ERC1: variants seen among roughly 807,000 people sequenced by gnomAD.
ERC1 encodes the protein ELKS/RAB6-interacting/CAST family member 1, also known as RAB6 interacting protein 2.
In ERC1, 56 loss-of-function variants were observed where a neutral mutation model predicts 132.0. The ratio of observed to expected loss-of-function variants is 0.42; its 90% CI spans 0.34 to 0.53. The LOEUF (loss-of-function observed/expected upper bound fraction) is 0.53. ERC1 is among the 20% of genes least tolerant of loss of function. ERC1 has a pLI of 0.03. For synonymous variants in ERC1, 478 were observed against 476.1 expected (o/e 1.00, Z -0.05); for missense variants, 1,202 against 1,349.9 (o/e 0.89, Z 1.72).
chr12:1,121,697 CTA>C (rs1947158141), intron 7 of ERC1, among the ~76,000 whole-genome samples: 2 of 67,156 alleles, frequency 3.0e-5, no homozygotes, highest in African/African-American at 1.1e-4. Context: ...ATCTCTATCT[CTA>C]TCTCTATCTG....
intron 18 of ERC1, among the ~76,000 whole-genome samples, chr12:1,487,809 CGA>C (rs1555132933): frequency 2.1e-5 from 3 of 145,630 alleles, no homozygotes; most frequent in African/African-American, 2.6e-5. Flanking sequence ...AGAAAAGAAA[CGA>C]GAGAGAGAGA....
intron 18 of ERC1, among the ~76,000 whole-genome samples, chr12:1,465,506 A>G (rs1458564477): frequency 6.6e-6 from 1 of 152,234 alleles, no homozygotes; most frequent in African/African-American, 2.4e-5. Context: ...AGCTCTGTAC[A>G]ACAGTAATCT....
intron 15 of ERC1, among the ~76,000 whole-genome samples, chr12:1,335,740 G>T (rs866221405): frequency 5.9e-5 from 9 of 152,158 alleles, no homozygotes; most frequent in Middle Eastern, 3.2e-3. Context: ...CGACCTCGTA[G>T]AATTAGTTGG....
chr12:1,004,219 T>C (rs972721696), intron 1 of ERC1, among the ~76,000 whole-genome samples: 2 of 152,134 alleles, frequency 1.3e-5, no homozygotes, highest in African/African-American at 4.8e-5. Context: ...ATGTCCTTTA[T>C]TAGATTAAGA....
At chr12:1,230,061 C>G (rs1279118187) in intron 12 of ERC1, among the ~76,000 whole-genome samples, 1 of 137,608 alleles carries the variant, frequency 7.3e-6, no homozygotes, top group Non-Finnish European at 1.5e-5. Flanking sequence ...GGCTAGAGTG[C>G]AATGGCACAA....
At chr12:1,007,540 C>CTCTCTCTCTCTCTCTG (rs1555194875) in intron 1 of ERC1, among the ~76,000 whole-genome samples, 2 of 122,786 alleles carry the variant, frequency 1.6e-5, no homozygotes, top group South Asian at 2.6e-4. Context: ...CTCTCTCTCT[C>CTCTCTCTCTCTCTCTG]TGTGTGTGTG....
At chr12:1,419,280 C>G (rs1230930560) in intron 17 of ERC1, among the ~76,000 whole-genome samples, 1 of 151,986 alleles carries the variant, frequency 6.6e-6, no homozygotes, top group Non-Finnish European at 1.5e-5. Flanking sequence ...TAACTATTCT[C>G]CTAAGTGTTG....
intron 15 of ERC1, among the ~76,000 whole-genome samples, chr12:1,352,532 TTTATA>T (rs569058317): frequency 1.3e-5 from 2 of 152,252 alleles, no homozygotes; most frequent in African/African-American, 2.4e-5. Context: ...AGGGTGAATT[TTTATA>T]TTATAATAGC....
intron 13 of ERC1, among the ~76,000 whole-genome samples, chr12:1,241,844 CTTCTTTT>C (rs758923890): frequency 5.2e-4 from 51 of 98,272 alleles, no homozygotes; most frequent in South Asian, 1.4e-3. Flanking sequence ...ATTTCTTCTT[CTTCTTTT>C]TTTTTTTTTT....
At chr12:1,346,738 C>T (rs1020636010) in intron 15 of ERC1, among the ~76,000 whole-genome samples, 3 of 151,140 alleles carry the variant, frequency 2.0e-5, no homozygotes, top group African/African-American at 7.3e-5. Flanking sequence ...GTCAGGAGAT[C>T]GAGACCATCC....
chr12:1,426,537 A>G (rs1239662869), intron 17 of ERC1, among the ~76,000 whole-genome samples: 3 of 152,222 alleles, frequency 2.0e-5, no homozygotes, highest in Non-Finnish European at 2.9e-5. Flanking sequence ...AATATTCTCT[A>G]GAACTCAATT....
intron 2 of ERC1, among the ~76,000 whole-genome samples, chr12:1,064,293 A>T (rs1228054346): frequency 6.6e-6 from 1 of 151,644 alleles, no homozygotes; most frequent in Non-Finnish European, 1.5e-5. Context: ...AGGCACAATC[A>T]TGTCTCACGA....
intron 15 of ERC1, among the ~76,000 whole-genome samples, chr12:1,358,806 G>T (rs542139014): frequency 6.6e-6 from 1 of 152,196 alleles, no homozygotes; most frequent in Non-Finnish European, 1.5e-5. Context: ...GATGAAGTTG[G>T]AGGAGGGGAA....
At chr12:1,286,570 T>C (rs554073487) in intron 14 of ERC1, among the ~76,000 whole-genome samples, 67 of 152,158 alleles carry the variant, frequency 4.4e-4, no homozygotes, top group Non-Finnish European at 8.1e-4. Context: ...CTGTACAGCG[T>C]TGTAGTAGTC....
chr12:1,137,431 A>G lies in ERC1; in HGVS notation c.1570-4189A>G, dbSNP rs1225415807. Among the ~76,000 whole-genome samples, 5 of 152,010 alleles carry G rather than the reference A, an allele frequency of 3.3e-5. No homozygotes were observed. In the East Asian group the frequency reaches 7.8e-4, roughly 24 times the overall value. On this transcript the variant is annotated intron_variant, in intron 7 of 18. Coordinates refer to ENST00000360905, the MANE Select transcript of ERC1 (RefSeq NM_178040.4). Reference sequence around the variant, plus strand: ...CTACTTACCAGTTCTTTAATATAATATGAGGTAAACTATTTAACTACGCTG... The same window carrying G: ...CTACTTACCAGTTCTTTAATATAATGTGAGGTAAACTATTTAACTACGCTG...
At chr12:1,041,605 T>G (rs1232677244) in intron 2 of ERC1, among the ~76,000 whole-genome samples, 1 of 152,264 alleles carries the variant, frequency 6.6e-6, no homozygotes, top group African/African-American at 2.4e-5. Flanking sequence ...GAGTGCTCAC[T>G]AGGTCACTCT....
At chr12:1,002,158 G>A (rs1268004176) in intron 1 of ERC1, among the ~76,000 whole-genome samples, 11 of 97,410 alleles carry the variant, frequency 1.1e-4, no homozygotes, top group African/African-American at 3.2e-4. Flanking sequence ...CACCATGCCC[G>A]GCTTTTTTTT....
At chr12:1,059,710 T>C (rs975397189) in intron 2 of ERC1, among the ~76,000 whole-genome samples, 2 of 152,218 alleles carry the variant, frequency 1.3e-5, no homozygotes, top group African/African-American at 4.8e-5. Flanking sequence ...TGTATTGTCT[T>C]TTGAATGTGC....
rs563850203 is a variant in ERC1 at position 1,060,175 on chromosome 12, C to CTTTTTTTTTTT, written c.670-22979_670-22978insTTTTTTTTTTT. The stretch of plus-strand genomic sequence containing the variant: ...TCATGGTGGGAGGCAAAGGCCACTT[C>CTTTTTTTTTTT]TTTTTTTTTTACTATTATACTTTAA... On this transcript the variant is annotated intron_variant, in intron 2 of 18. Transcript: ENST00000360905. Among the ~76,000 whole-genome samples, 86 of 144,208 alleles carry CTTTTTTTTTTT rather than the reference C, an allele frequency of 6.0e-4. 1 individual carries two copies. The highest frequency in any genetic ancestry group is 9.6e-4 in the Admixed American group (14 of 14,512). The allele number at this position is 144,208 out of a possible 152,430, so 94.6% of individuals were successfully genotyped here. A position where few individuals can be genotyped will look rare whatever the true frequency, so the allele number is the denominator to read the frequency against.
Sources: allele counts gnomAD v4.1 joint callset (sites outside exome capture counted in the v4.1 genomes callset), GRCh38; gene constraint gnomAD v4.1.1; transcripts MANE v1.5; gene names NCBI Gene and HGNC (gene_info 2026-07-23, HGNC 2026-07-21).